S1PR5: variants seen among roughly 807,000 people sequenced by gnomAD.
S1PR5 encodes the protein sphingosine 1-phosphate receptor 5.
For synonymous variants in S1PR5, 307 were observed against 284.7 expected (o/e 1.08, Z -0.79); for missense variants, 583 against 571.7 (o/e 1.02, Z -0.20).
In S1PR5 at chr19:10,514,540, C is replaced by A; in HGVS notation, c.472G>T (p.Ala158Ser). 2 of 1,583,512 alleles carry A rather than the reference C, an allele frequency of 1.3e-6. No homozygotes were observed. Among genetic ancestry groups the A allele is most frequent in the East Asian group, 2.3e-5 (1 of 43,302 alleles). ...CCGAGGAGCAGCGACACGCCCCAGG[C>A]CGCGGCTGCCATCGCCAGCGTGCGC... ...RGRTLAMAAA[A>S]WGVSLLLGLL... The change falls in exon 2 of 2, where the codon GCC becomes TCC. Residue 158 changes from alanine (A) to serine (S), a missense_variant. Transcript: ENST00000333430.
chr19:10,514,928 C>G lies in S1PR5; in HGVS notation c.84G>C (p.Ala28=). Residue 28 remains alanine (A), a synonymous_variant, in exon 2 of 2, where the codon GCG becomes GCC. Coordinates refer to ENST00000333430, the MANE Select transcript of S1PR5 (RefSeq NM_030760.5). ...GCAGGCCGGCACCCGGCTGGTAGCGCGCACCGCGGAGCTTGCCGGTGTAGT... is the reference window on the plus strand; with the variant it reads ...GCAGGCCGGCACCCGGCTGGTAGCGGGCACCGCGGAGCTTGCCGGTGTAGT... ...HYNYTGKLRG[A]RYQPGAGLRA... is the part of the protein sequence containing the mutation. 6.2e-7 allele frequency: 1 copy of G among 1,609,274 alleles called. No individual in the cohort carries two copies. The highest frequency in any genetic ancestry group is 1.1e-5 in the South Asian group (1 of 90,894).
chr19:10,515,096 A>AGTCGT (rs1915403282), intron 1 of S1PR5, 67 bp from the exon 2 acceptor site: 1 of 1,500,714 alleles, frequency 6.7e-7, no homozygotes, highest in African/African-American at 1.4e-5. Context: ...CAGCCGGCTA[A>AGTCGT]GTCGTGGGAA....
At position 10,513,904 on chromosome 19, in the gene S1PR5, G is replaced by C; in HGVS notation, c.1108C>G (p.Arg370Gly). ...FSGSERSSPQRDGLDTSGSTG... is the reference protein window; with the variant it reads ...FSGSERSSPQGDGLDTSGSTG... Reference sequence around the variant, plus strand: ...GAGCCGCTGGTGTCCAGCCCGTCGCGCTGGGGCGATGAGCGCTCCGAGCCG... The same window carrying C: ...GAGCCGCTGGTGTCCAGCCCGTCGCCCTGGGGCGATGAGCGCTCCGAGCCG... The change falls in exon 2 of 2, where the codon CGC becomes GGC. Residue 370 changes from arginine (R) to glycine (G), a missense_variant. Transcript: ENST00000333430. 3 of 1,609,586 alleles carry C rather than the reference G, an allele frequency of 1.9e-6. No individual in the cohort carries two copies. Among genetic ancestry groups the C allele is most frequent in the East Asian group, 2.2e-5 (1 of 44,780 alleles).
rs1456309953 is a variant in S1PR5 at position 10,513,368 on chromosome 19, C to T, written c.*447G>A. The stretch of plus-strand genomic sequence containing the variant: ...CTCCTTGTCTCCTCCCATTCTCCCC[C>T]TCCGTCCCTGCTCCAGGCACACCAG... On this transcript the variant is annotated 3_prime_UTR_variant, in exon 2 of 2. Transcript: ENST00000333430. The T allele has an allele frequency of 2.4e-6, 1 of 410,906 alleles. No individual in the cohort carries two copies. The highest frequency in any genetic ancestry group is 4.3e-6 in the Non-Finnish European group (1 of 234,500). The allele number at this position is 410,906 out of a possible 1,614,324, so 25.5% of individuals were successfully genotyped here. A position where few individuals can be genotyped will look rare whatever the true frequency, so the allele number is the denominator to read the frequency against.
chr19:10,517,557 G>C, upstream of S1PR5: 1 of 985,398 alleles, frequency 1.0e-6, no homozygotes, highest in Non-Finnish European at 1.2e-6. Flanking sequence ...TGGGTCCCGG[G>C]CACTCAGCCC....
At chr19:10,517,472 G>A (rs1568407819), upstream of S1PR5, 1 of 985,666 alleles carries the variant, frequency 1.0e-6, no homozygotes, top group African/African-American at 1.7e-5. Flanking sequence ...CCGGGGGCGG[G>A]GCTGGAGCTG....
Position 10,516,546 on chromosome 19 carries a change from G to T in S1PR5, c.-19+852C>A, listed in dbSNP as rs575879117. 3.6e-3 allele frequency among the ~76,000 whole-genome samples: 528 copies of T among 148,240 alleles called. 2 individuals are homozygous for T. Among genetic ancestry groups the T allele is most frequent in the African/African-American group, 0.012 (502 of 40,396 alleles). The stretch of plus-strand genomic sequence containing the variant: ...CACTTGAGCCTGGGAGGCCGAGGCT[G>T]CAGTGAGCCATGATCGCACCCCTGC... On this transcript the variant is annotated intron_variant, in intron 1 of 1. Transcript: ENST00000333430.
intron 1 of S1PR5, among the ~76,000 whole-genome samples, chr19:10,515,600 G>A (rs556959712): frequency 1.4e-4 from 22 of 151,938 alleles, no homozygotes; most frequent in Admixed American, 1.1e-3. Flanking sequence ...GTGGCAGAGC[G>A]AGACTCTGTC....
intron 1 of S1PR5, among the ~76,000 whole-genome samples, chr19:10,515,994 C>G (rs535122568): frequency 6.6e-6 from 1 of 152,014 alleles, no homozygotes; most frequent in Non-Finnish European, 1.5e-5. Context: ...ACACACAGAA[C>G]GCACACAAAC....
rs759521112 is a variant in S1PR5, at chr19:10,514,076, G to T, written c.936C>A (p.Asp312Glu). The change falls in exon 2 of 2, where the codon GAC becomes GAA. Residue 312 changes from aspartate (D) to glutamate (E), a missense_variant. By Grantham distance (45) the Asp-to-Glu change is conservative (BLOSUM62 2). Coordinates refer to ENST00000333430, the MANE Select transcript of S1PR5 (RefSeq NM_030760.5). ...CCAGGCGCAGGAGCGCGTGGCGCAG[G>T]TCGCGGTTGGTGAGCGTGTAGATGA... Reference protein sequence around the residue: ...NPIIYTLTNRDLRHALLRLVC... With the variant: ...NPIIYTLTNRELRHALLRLVC... 2 of 1,612,666 alleles carry T rather than the reference G, an allele frequency of 1.2e-6. No individual in the cohort carries two copies. Among genetic ancestry groups the T allele is most frequent in the Non-Finnish European group, 1.7e-6 (2 of 1,179,780 alleles).
In S1PR5 at chr19:10,513,165, G is replaced by GC. The variant is rs80304461; in HGVS notation, c.*649dup. On this transcript the variant is annotated 3_prime_UTR_variant, in exon 2 of 2. Coordinates refer to ENST00000333430, the MANE Select transcript of S1PR5 (RefSeq NM_030760.5). ...ATCATTGTTCCTGTGGCTCAGTGCA[G>GC]CCCCCCTTCACCTTCTCTGGTTTTC... is the stretch of plus-strand genomic sequence containing the variant. 0.22 allele frequency: 35,032 copies of GC among 155,768 alleles called. 5,045 individuals are homozygous for GC. Among genetic ancestry groups the GC allele is most frequent in the Non-Finnish European group, 0.31 (22,156 of 70,632 alleles). The allele number at this position is 155,768 out of a possible 1,614,324, so 9.6% of individuals were successfully genotyped here.
rs1220831369 is a variant in S1PR5, at chr19:10,514,715, G to A, written c.297C>T (p.Leu99=). 1.9e-6 allele frequency: 3 copies of A among 1,610,916 alleles called. No homozygotes were observed. The highest frequency in any genetic ancestry group is 2.5e-6 in the Non-Finnish European group (3 of 1,179,144). Residue 99 remains leucine (L), a synonymous_variant, in exon 2 of 2, where the codon CTC becomes CTT. Coordinates refer to ENST00000333430, the MANE Select transcript of S1PR5 (RefSeq NM_030760.5). ...YAANILLSGP[L]TLKLSPALWF... ...AGAGCGCGGGGGACAGTTTCAGCGT[G>A]AGCGGCCCCGACAGTAGGATGTTGG...
At chr19:10,515,544 C>T (rs1054408872) in intron 1 of S1PR5, among the ~76,000 whole-genome samples, 1 of 152,086 alleles carries the variant, frequency 6.6e-6, no homozygotes, top group African/African-American at 2.4e-5. Flanking sequence ...ACCCAGGAGG[C>T]GGAGGTTGCA....
chr19:10,514,037 G>T lies in S1PR5; in HGVS notation c.975C>A (p.Arg325=), dbSNP rs142151258. ...HALLRLVCCG[R]HSCGRDPSGS... ...CACTCGGGTCTCTGCCGCAGGAGTG[G>T]CGTCCGCAGCAGACCAGGCGCAGGA... Residue 325 remains arginine, a synonymous_variant, in exon 2 of 2, where the codon CGC becomes CGA. Coordinates refer to ENST00000333430, the MANE Select transcript of S1PR5 (RefSeq NM_030760.5). The T allele has an allele frequency of 2.0e-3, 3,229 of 1,611,430 alleles. 12 individuals carry two copies. The highest frequency in any genetic ancestry group is 2.7e-3 in the South Asian group (245 of 91,036).
chr19:10,514,844 G>A lies in S1PR5; in HGVS notation c.168C>T (p.Ala56=), dbSNP rs1251030767. ...GGTGGCGTCCGAGCACCAACAACAC[G>A]GCTAGATTCTCTAGCACGATGAAGG... The part of the protein sequence containing the change: ...VCAFIVLENL[A]VLLVLGRHPR... The change falls in exon 2 of 2, where the codon GCC becomes GCT. Residue 56 remains alanine, a synonymous_variant. Transcript: ENST00000333430. The A allele has an allele frequency of 1.2e-6, 2 of 1,613,034 alleles. No homozygotes were observed. The highest frequency in any genetic ancestry group is 1.7e-6 in the Non-Finnish European group (2 of 1,179,706).
In S1PR5 at chr19:10,513,660, T is replaced by G; in HGVS notation, c.*155A>C. On this transcript the variant is annotated 3_prime_UTR_variant, in exon 2 of 2. Transcript: ENST00000333430. ...CGTCAATTCCACGAGGGCACAGATT[T>G]TTTGTCTGTTTGTTCACATTGTGGG... The G allele has an allele frequency of 1.9e-6, 2 of 1,065,784 alleles. No homozygotes were observed. Among genetic ancestry groups the G allele is most frequent in the Non-Finnish European group, 2.7e-6 (2 of 754,672 alleles). The allele number at this position is 1,065,784 out of a possible 1,614,324, so 66.0% of individuals were successfully genotyped here.
At chr19:10,516,065 G>A (rs1336115524) in intron 1 of S1PR5, among the ~76,000 whole-genome samples, 1 of 152,022 alleles carries the variant, frequency 6.6e-6, no homozygotes, top group Non-Finnish European at 1.5e-5. Context: ...AAAACACACA[G>A]TCACACACTA....
rs931058269 is a variant in S1PR5, at chr19:10,513,380, T to C, written c.*435A>G. ...TCCCATTCTCCCCCTCCGTCCCTGCTCCAGGCACACCAGCATCGCTGCATT... is the reference window on the plus strand; with the variant it reads ...TCCCATTCTCCCCCTCCGTCCCTGCCCCAGGCACACCAGCATCGCTGCATT... On this transcript the variant is annotated 3_prime_UTR_variant, in exon 2 of 2. Coordinates refer to ENST00000333430, the MANE Select transcript of S1PR5 (RefSeq NM_030760.5). 9.4e-6 allele frequency: 4 copies of C among 423,778 alleles called. No individual in the cohort carries two copies. The highest frequency in any genetic ancestry group is 4.0e-5 in the Admixed American group (1 of 24,712). 26.3% of individuals were successfully genotyped at this position (423,778 alleles called of 1,614,324 possible). A position where few individuals can be genotyped will look rare whatever the true frequency, so the allele number is the denominator to read the frequency against.
chr19:10,515,187 G>T (rs964248025), intron 1 of S1PR5, among the ~76,000 whole-genome samples, 158 bp from the exon 2 acceptor site: 2 of 152,212 alleles, frequency 1.3e-5, no homozygotes, highest in Admixed American at 1.3e-4. Context: ...AGTCCGTGGA[G>T]ACAGACATAC....
Sources: gnomAD v4.1 joint callset for allele counts (sites outside exome capture counted in the v4.1 genomes callset) on GRCh38, gnomAD v4.1.1 for gene constraint, MANE v1.5 for transcripts, NCBI Gene and HGNC (gene_info 2026-07-23, HGNC 2026-07-21) for gene names.